The following CCDC38 variants were observed in gnomAD, a reference collection of about 807,000 sequenced individuals.
CCDC38 encodes the protein coiled-coil domain containing 38.
Under a neutral mutation model 72.8 loss-of-function variants are expected in CCDC38, and 69 were observed. The ratio of observed to expected loss-of-function variants is 0.95; its 90% CI spans 0.78 to 1.16. The LOEUF is 1.16. Ranked by LOEUF, CCDC38 falls within the 50% of genes most tolerant of loss-of-function variation. The probability of loss-of-function intolerance (pLI) is 0.00; values close to 1 mark genes in which losing one functional copy is unlikely to be tolerated. For missense variants in CCDC38, 626 were observed against 638.9 expected (o/e 0.98, Z 0.22); for synonymous variants, 201 against 213.2 (o/e 0.94, Z 0.50).
intron 8 of CCDC38, among the ~76,000 whole-genome samples, chr12:95,893,460 CTCTCTCTCTT>C (rs2079852822): frequency 9.9e-6 from 1 of 100,656 alleles, no homozygotes; most frequent in Non-Finnish European, 1.9e-5. Context: ...CCTTCTTTCC[CTCTCTCTCTT>C]TCTCTCTCTC....
At chr12:95,910,960 T>C (rs183996629) in intron 4 of CCDC38, among the ~76,000 whole-genome samples, 12 of 152,006 alleles carry the variant, frequency 7.9e-5, no homozygotes, top group African/African-American at 2.9e-4. Flanking sequence ...AAGAACGAAG[T>C]TGGACTCATC....
intron 10 of CCDC38, among the ~76,000 whole-genome samples, chr12:95,887,825 T>A (rs78195274): frequency 6.6e-6 from 1 of 152,168 alleles, no homozygotes; most frequent in Admixed American, 6.5e-5. Flanking sequence ...AAAATGAACA[T>A]TTAATTACAA....
chr12:95,943,225 C>T, upstream of CCDC38: 1 of 643,396 alleles, frequency 1.6e-6, no homozygotes, highest in Non-Finnish European at 2.4e-6. Context: ...GCAATGATTA[C>T]CGCCCCCGTT....
At chr12:95,929,801 C>T (rs1200013368) in intron 2 of CCDC38, among the ~76,000 whole-genome samples, 1 of 152,170 alleles carries the variant, frequency 6.6e-6, no homozygotes, top group Non-Finnish European at 1.5e-5. Context: ...AATGTATTCT[C>T]TCCATTCTGG....
rs140158413 is a variant in CCDC38 at position 95,868,646 on chromosome 12, A to G, written c.1578+834T>C. 2.6e-3 allele frequency among the ~76,000 whole-genome samples: 398 copies of G among 152,332 alleles called. 2 individuals carry two copies. The highest frequency in any genetic ancestry group is 6.8e-3 in the Middle Eastern group (2 of 294). ...AGCTATCACTGTGGTAAGAATCAGCATCCGCAATAGCTTTGCAGATAACCA... is the reference window on the plus strand; with the variant it reads ...AGCTATCACTGTGGTAAGAATCAGCGTCCGCAATAGCTTTGCAGATAACCA... On this transcript the variant is annotated intron_variant, in intron 15 of 15. Transcript: ENST00000344280.
chr12:95,922,052 G>A (rs2080215121), intron 2 of CCDC38, among the ~76,000 whole-genome samples: 1 of 152,202 alleles, frequency 6.6e-6, no homozygotes, highest in African/African-American at 2.4e-5. Flanking sequence ...TTAATGGACT[G>A]GAGCTTAAAG....
chr12:95,909,212 G>A (rs1447330524), intron 4 of CCDC38, among the ~76,000 whole-genome samples: 3 of 151,990 alleles, frequency 2.0e-5, no homozygotes, highest in Non-Finnish European at 4.4e-5. Context: ...AAATGACAAA[G>A]GTAACATTAT....
chr12:95,888,372 A>G (rs2079783430), intron 10 of CCDC38, 86 bp downstream of exon 10: 1 of 1,172,120 alleles, frequency 8.5e-7, no homozygotes. Flanking sequence ...TGGGTACATG[A>G]CATATATGTT....
chr12:95,891,417 C>G (rs2079825829), intron 8 of CCDC38, among the ~76,000 whole-genome samples: 1 of 152,192 alleles, frequency 6.6e-6, no homozygotes. Context: ...ACCATCACAG[C>G]TCACTGCAGC....
chr12:95,895,141 A>G lies in CCDC38; in HGVS notation c.620T>C (p.Ile207Thr). Residue 207 changes from isoleucine to threonine, a missense_variant, in exon 8 of 16, where the codon ATA (isoleucine) becomes ACA (threonine). Ile to Thr is a moderately conservative substitution (Grantham distance 89). Transcript: ENST00000344280. ...SMEVQAVKSE[I>T]AKTEFLLREY... ...CCTGAGGAGGAATTCTGTTTTTGCT[A>G]TTTCACTACTCAAAAGAAACAAAGA... 3.1e-6 allele frequency: 5 copies of G among 1,603,546 alleles called. No individual in the cohort carries two copies. The highest frequency in any genetic ancestry group is 1.3e-5 in the African/African-American group (1 of 74,420).
At chr12:95,873,240 A>G (rs2079600820) in intron 13 of CCDC38, among the ~76,000 whole-genome samples, 1 of 152,322 alleles carries the variant, frequency 6.6e-6, no homozygotes, top group Non-Finnish European at 1.5e-5. Context: ...CTTATAGTCC[A>G]GGAGAGCAGG....
At chr12:95,900,362 T>A (rs1258043083) in intron 5 of CCDC38, among the ~76,000 whole-genome samples, 1 of 152,182 alleles carries the variant, frequency 6.6e-6, no homozygotes, top group East Asian at 1.9e-4. Context: ...GATAGTGGCA[T>A]CATGTTAGAC....
intron 5 of CCDC38, among the ~76,000 whole-genome samples, chr12:95,905,891 G>T (rs763781801): frequency 6.6e-6 from 1 of 152,112 alleles, no homozygotes; most frequent in Non-Finnish European, 1.5e-5. Context: ...TTTTATAAAA[G>T]ACTCCATAAG....
intron 2 of CCDC38, chr12:95,933,088 T>G (rs1184160568): frequency 6.6e-6 from 1 of 152,196 alleles, no homozygotes; most frequent in Admixed American, 6.5e-5. Flanking sequence ...CAAAAACCTT[T>G]AAAACAAACA....
At chr12:95,935,538 A>G (rs758199157) in intron 2 of CCDC38, 82 of 324,498 alleles carry the variant, frequency 2.5e-4, no homozygotes, top group Non-Finnish European at 4.3e-4. Flanking sequence ...CTGAGAGAGA[A>G]CAAACGTCTA....
chr12:95,920,218 G>C (rs1330600040), intron 2 of CCDC38, among the ~76,000 whole-genome samples: 1 of 152,170 alleles, frequency 6.6e-6, no homozygotes, highest in African/African-American at 2.4e-5. Flanking sequence ...TTCTTGTGCT[G>C]TTCTCGTGAT....
chr12:95,896,158 A>G (rs1278801870), intron 7 of CCDC38, among the ~76,000 whole-genome samples: 2 of 152,088 alleles, frequency 1.3e-5, no homozygotes, highest in East Asian at 3.9e-4. Context: ...GGCAGGACAC[A>G]CTACAGACAT....
intron 3 of CCDC38, among the ~76,000 whole-genome samples, chr12:95,918,469 T>C (rs887110530): frequency 3.3e-5 from 5 of 152,208 alleles, no homozygotes; most frequent in African/African-American, 9.7e-5. Context: ...TGTTACTGTA[T>C]TTCCTCCACT....
intron 12 of CCDC38, 97 bp from the exon 13 acceptor site, chr12:95,878,443 T>C: frequency 1.7e-6 from 2 of 1,203,220 alleles, no homozygotes; most frequent in South Asian, 1.4e-5. Context: ...TGTGTCAAAA[T>C]CCATGTAGTG....
Sources: gnomAD v4.1 joint callset for allele counts (sites outside exome capture counted in the v4.1 genomes callset) on GRCh38, gnomAD v4.1.1 for gene constraint, MANE v1.5 for transcripts, NCBI Gene and HGNC (gene_info 2026-07-23, HGNC 2026-07-21) for gene names.